Variants in FRMPD4 observed in about 807,000 individuals in gnomAD.
FRMPD4 encodes the protein FERM and PDZ domain-containing protein 4.
FRMPD4 carries 22 observed loss-of-function variants against 94.1 expected under a neutral mutation model. That is an observed-to-expected ratio of 0.23 (90% CI 0.17 to 0.33). FRMPD4 has a LOEUF of 0.33. Ranked by LOEUF, FRMPD4 falls within the 10% of genes least tolerant of loss-of-function variation. The pLI is 1.00. For synonymous variants in FRMPD4, 631 were observed against 548.6 expected, an observed-to-expected ratio of 1.15 and a Z score of -2.10; for missense variants, 1,111 against 1,339.9, an observed-to-expected ratio of 0.83 and a Z score of 2.67.
intron 3 of FRMPD4, among the ~76,000 whole-genome samples, chrX:11,894,261 A>G (rs2053890538): frequency 8.9e-6 from 1 of 111,938 alleles, no homozygotes; most frequent in African/African-American, 3.3e-5. Flanking sequence ...ACTGAGGGAA[A>G]CTCTCATCAT....
intron 1 of FRMPD4, among the ~76,000 whole-genome samples, chrX:12,393,532 A>G (rs149115820): frequency 0.023 from 2,534 of 112,033 alleles, 88 homozygotes; most frequent in African/African-American, 0.079. Flanking sequence ...GTAAATTTCT[A>G]AAGAGTCATT....
intron 3 of FRMPD4, among the ~76,000 whole-genome samples, chrX:11,898,762 A>C (rs943010814): frequency 6.2e-5 from 7 of 112,081 alleles, no homozygotes; most frequent in African/African-American, 2.3e-4. Context: ...CTCTGGAGGT[A>C]GGGAGAAGTA....
intron 3 of FRMPD4, among the ~76,000 whole-genome samples, chrX:11,934,785 G>C (rs1028160674): frequency 1.8e-5 from 2 of 112,071 alleles, no homozygotes; most frequent in Admixed American, 1.9e-4. Flanking sequence ...CAGACAGTCA[G>C]TAAATATTTA....
chrX:12,562,247 A>G (rs1469042639), intron 2 of FRMPD4, among the ~76,000 whole-genome samples: 1 of 112,902 alleles, frequency 8.9e-6, no homozygotes, highest in African/African-American at 3.2e-5. Flanking sequence ...TAACTTAAAA[A>G]TACTTTTTTC....
intron 1 of FRMPD4, among the ~76,000 whole-genome samples, chrX:12,341,993 T>A (rs925565002): frequency 8.9e-6 from 1 of 111,995 alleles, no homozygotes; most frequent in South Asian, 3.7e-4. Flanking sequence ...TGCCTCTGAA[T>A]TTTGGCAAAT....
chrX:12,580,819 T>C (rs2058857650), intron 2 of FRMPD4, among the ~76,000 whole-genome samples: 1 of 112,120 alleles, frequency 8.9e-6, no homozygotes, highest in Non-Finnish European at 1.9e-5. Context: ...GTGTGTAGTA[T>C]ATATAGTGTG....
intron 4 of FRMPD4, among the ~76,000 whole-genome samples, chrX:12,667,721 T>C (rs1463945641): frequency 8.9e-6 from 1 of 111,960 alleles, no homozygotes; most frequent in Non-Finnish European, 1.9e-5. Flanking sequence ...TGCCAAAGCA[T>C]GCTCTAAAAC....
intron 3 of FRMPD4, among the ~76,000 whole-genome samples, chrX:11,893,685 C>T (rs944237183): frequency 1.8e-5 from 2 of 111,555 alleles, no homozygotes; most frequent in African/African-American, 6.5e-5. Context: ...GAGTGAGGTA[C>T]TGTCTTTGGT....
chrX:12,602,767 G>A (rs2148408475), intron 2 of FRMPD4, among the ~76,000 whole-genome samples: 1 of 111,552 alleles, frequency 9.0e-6, no homozygotes, highest in African/African-American at 3.3e-5. Flanking sequence ...TCATTCTAGA[G>A]AACAGGCTGA....
intron 2 of FRMPD4, among the ~76,000 whole-genome samples, chrX:12,513,581 C>T (rs756486157): frequency 6.3e-5 from 7 of 111,465 alleles, no homozygotes; most frequent in Admixed American, 1.9e-4. Context: ...TCTATGTGTC[C>T]GTTTTTCTAC....
At chrX:12,675,160 G>A (rs1363763306) in intron 5 of FRMPD4, among the ~76,000 whole-genome samples, 4 of 111,857 alleles carry the variant, frequency 3.6e-5, no homozygotes, top group Non-Finnish European at 5.6e-5. Context: ...CCTATGCAAT[G>A]GTCACATTTG....
At chrX:12,452,218 C>T (rs906247123) in intron 1 of FRMPD4, among the ~76,000 whole-genome samples, 4 of 111,452 alleles carry the variant, frequency 3.6e-5, no homozygotes, top group Non-Finnish European at 7.5e-5. Context: ...CTTTGAATCT[C>T]CCATTTAAAT....
At chrX:12,536,441 T>C (rs923236690) in intron 2 of FRMPD4, among the ~76,000 whole-genome samples, 5 of 111,845 alleles carry the variant, frequency 4.5e-5, no homozygotes, top group African/African-American at 1.6e-4. Context: ...CAGAAATGTG[T>C]ATAGACACAG....
At chrX:12,696,028 G>T (rs1056850440) in intron 9 of FRMPD4, among the ~76,000 whole-genome samples, 5 of 112,396 alleles carry the variant, frequency 4.4e-5, no homozygotes, top group Non-Finnish European at 9.4e-5. Flanking sequence ...GAGCCACCGC[G>T]CCCAGCCCTA....
intron 1 of FRMPD4, among the ~76,000 whole-genome samples, chrX:12,299,860 T>A (rs575115358): frequency 1.4e-3 from 159 of 112,312 alleles, no homozygotes; most frequent in African/African-American, 4.9e-3. Flanking sequence ...GTTAGTGGAT[T>A]TCACAAGTCA....
intron 3 of FRMPD4, among the ~76,000 whole-genome samples, chrX:11,886,321 CAG>C (rs773832109): frequency 8.9e-6 from 1 of 111,757 alleles, no homozygotes; most frequent in East Asian, 2.8e-4. Flanking sequence ...TAGAAGGAAA[CAG>C]TGGGGAAATA....
intron 1 of FRMPD4, among the ~76,000 whole-genome samples, chrX:12,450,122 G>T (rs755552261): frequency 1.8e-5 from 2 of 110,062 alleles, no homozygotes; most frequent in Non-Finnish European, 3.8e-5. Context: ...AAAGCCAAAG[G>T]AATGATTAAA....
At chrX:12,270,274 T>A (rs981831706) in intron 1 of FRMPD4, among the ~76,000 whole-genome samples, 50 of 100,986 alleles carry the variant, frequency 5.0e-4, no homozygotes, top group Admixed American at 1.6e-3. Flanking sequence ...GAAAAAAAAA[T>A]GCTTTTAAAA....
At chrX:12,068,835 T>G (rs1295619596) in intron 3 of FRMPD4, among the ~76,000 whole-genome samples, 1 of 112,389 alleles carries the variant, frequency 8.9e-6, no homozygotes, top group Non-Finnish European at 1.9e-5. Context: ...TAATGTTTAG[T>G]GAATATTTGT....
Sources: gnomAD v4.1 joint callset for allele counts (sites outside exome capture counted in the v4.1 genomes callset) on GRCh38, gnomAD v4.1.1 for gene constraint, MANE v1.5 for transcripts, NCBI Gene and HGNC (gene_info 2026-07-23, HGNC 2026-07-21) for gene names.